NGF: variants seen among roughly 807,000 people sequenced by gnomAD.
The protein encoded by NGF is beta-nerve growth factor.
A neutral mutation model predicts 12.8 loss-of-function variants in NGF; 4 were observed. The ratio of observed to expected loss-of-function variants is 0.31; its 90% confidence interval spans 0.15 to 0.72. The LOEUF is 0.72. Among genes scored for constraint, NGF ranks in the 30% least tolerant of loss-of-function variants. NGF has a pLI of 0.69. For synonymous variants in NGF, 140 were observed against 130.0 expected (o/e 1.08, Z -0.52); for missense variants, 283 against 330.8 (o/e 0.86, Z 1.12).
intron 1 of NGF, among the ~76,000 whole-genome samples, chr1:115,323,848 A>G (rs568901308): frequency 1.5e-3 from 231 of 152,316 alleles, no homozygotes; most frequent in African/African-American, 5.4e-3. Flanking sequence ...AAGTGTCCTG[A>G]GGTGGCCCTG....
chr1:115,288,054 T>A (rs1291479405), intron 2 of NGF, among the ~76,000 whole-genome samples: 1 of 152,164 alleles, frequency 6.6e-6, no homozygotes, highest in African/African-American at 2.4e-5. Flanking sequence ...CTTTCTCCCA[T>A]CTCTCCTTCC....
intron 1 of NGF, among the ~76,000 whole-genome samples, chr1:115,334,586 T>G (rs1402294629): frequency 6.6e-6 from 1 of 152,132 alleles, no homozygotes; most frequent in Admixed American, 6.5e-5. Flanking sequence ...AGCCCAGGAA[T>G]TGACTTCTGG....
intron 1 of NGF, among the ~76,000 whole-genome samples, chr1:115,323,388 G>A (rs934479646): frequency 1.3e-5 from 2 of 152,108 alleles, no homozygotes; most frequent in Non-Finnish European, 2.9e-5. Context: ...AGACCAGTTG[G>A]CAGATGGGTT....
chr1:115,291,400 A>G (rs1007219557), intron 2 of NGF, among the ~76,000 whole-genome samples: 9 of 152,208 alleles, frequency 5.9e-5, no homozygotes, highest in African/African-American at 2.2e-4. Context: ...ACACCCTTTG[A>G]AGCCTTTCTC....
chr1:115,326,275 T>C (rs544056954), intron 1 of NGF, among the ~76,000 whole-genome samples: 2 of 152,274 alleles, frequency 1.3e-5, no homozygotes, highest in African/African-American at 4.8e-5. Context: ...TTGTTACATC[T>C]GCCTTAGACT....
In NGF at chr1:115,286,672, G is replaced by A. The variant is rs1258866875; in HGVS notation, c.124C>T (p.His42Tyr). ...IPQAHWTKLQ[H>Y]SLDTALRRAR... Reference sequence around the variant, plus strand: ...CTGCGAAGGGCAGTGTCAAGGGAATGCTGAAGTTTAGTCCAGTGGGCTTGG... The same window carrying A: ...CTGCGAAGGGCAGTGTCAAGGGAATACTGAAGTTTAGTCCAGTGGGCTTGG... The change falls in exon 3 of 3, where the codon CAT becomes TAT. Residue 42 changes from histidine to tyrosine, a missense_variant. Physicochemically the swap from His to Tyr is moderately conservative, Grantham distance 83 (BLOSUM62 2). This residue lies in a region of NGF where 151 missense variants were observed against 141.6 expected (regional missense o/e 1.07). Transcript: ENST00000369512. 1 of 1,614,248 alleles carries A rather than the reference G, an allele frequency of 6.2e-7. No individual in the cohort carries two copies. The highest frequency in any genetic ancestry group is 8.5e-7 in the Non-Finnish European group (1 of 1,180,044).
At chr1:115,332,860 G>C (rs1654960720) in intron 1 of NGF, among the ~76,000 whole-genome samples, 1 of 152,092 alleles carries the variant, frequency 6.6e-6, no homozygotes, top group South Asian at 2.1e-4. Flanking sequence ...ATAATCCAAA[G>C]GGAGCCTGTC....
chr1:115,324,988 A>C (rs1213610459), intron 1 of NGF, among the ~76,000 whole-genome samples: 1 of 152,222 alleles, frequency 6.6e-6, no homozygotes, highest in African/African-American at 2.4e-5. Flanking sequence ...TAAAATAAGA[A>C]AACAAATCAT....
At chr1:115,321,350 G>A (rs1206976187) in intron 1 of NGF, among the ~76,000 whole-genome samples, 1 of 152,094 alleles carries the variant, frequency 6.6e-6, no homozygotes, top group East Asian at 1.9e-4. Context: ...GGGCTGGGTG[G>A]GCTGTTACTA....
chr1:115,295,949 T>G (rs186448891), intron 1 of NGF, among the ~76,000 whole-genome samples: 1 of 152,282 alleles, frequency 6.6e-6, no homozygotes, highest in Admixed American at 6.5e-5. Flanking sequence ...AAGCAAGTAA[T>G]CTAGAGATAG....
At chr1:115,316,104 G>C (rs1392994169) in intron 1 of NGF, among the ~76,000 whole-genome samples, 1 of 152,180 alleles carries the variant, frequency 6.6e-6, no homozygotes, top group Non-Finnish European at 1.5e-5. Flanking sequence ...ATCAACCAGA[G>C]AGACCATCTG....
At chr1:115,301,488 C>T (rs1557939006) in intron 1 of NGF, among the ~76,000 whole-genome samples, 2 of 152,126 alleles carry the variant, frequency 1.3e-5, no homozygotes, top group Non-Finnish European at 2.9e-5. Flanking sequence ...AGACATTTGG[C>T]CAGAATCAGG....
chr1:115,317,503 A>G (rs992982954), intron 1 of NGF, among the ~76,000 whole-genome samples: 8 of 152,210 alleles, frequency 5.3e-5, no homozygotes, highest in African/African-American at 1.7e-4. Context: ...TAGAAAAAAG[A>G]AATCTATGAA....
At chr1:115,291,720 A>G (rs1325638156) in intron 2 of NGF, among the ~76,000 whole-genome samples, 1 of 152,220 alleles carries the variant, frequency 6.6e-6, no homozygotes, top group Non-Finnish European at 1.5e-5. Flanking sequence ...AATTTCTCGC[A>G]CGAGGTGAAT....
At chr1:115,326,171 C>T (rs1654767112) in intron 1 of NGF, among the ~76,000 whole-genome samples, 1 of 151,996 alleles carries the variant, frequency 6.6e-6, no homozygotes, top group Non-Finnish European at 1.5e-5. Flanking sequence ...AAGGAGAAGC[C>T]AGCAAACGAG....
chr1:115,301,184 G>A (rs1270295968), intron 1 of NGF, among the ~76,000 whole-genome samples: 1 of 152,098 alleles, frequency 6.6e-6, no homozygotes, highest in African/African-American at 2.4e-5. Context: ...TGGAGCTAAC[G>A]AGAGACCCAC....
chr1:115,327,973 C>G (rs1035726678), intron 1 of NGF, among the ~76,000 whole-genome samples: 2 of 152,212 alleles, frequency 1.3e-5, no homozygotes, highest in Non-Finnish European at 2.9e-5. Flanking sequence ...AACATTATCC[C>G]TAGAAGCAGG....
intron 1 of NGF, among the ~76,000 whole-genome samples, chr1:115,328,535 G>T (rs1044090273): frequency 1.1e-4 from 16 of 152,180 alleles, no homozygotes; most frequent in African/African-American, 3.6e-4. Context: ...CTGCATTGTG[G>T]CAGCCTGGAG....
intron 1 of NGF, among the ~76,000 whole-genome samples, chr1:115,309,502 T>G (rs1654287183): frequency 6.6e-6 from 1 of 152,216 alleles, no homozygotes; most frequent in South Asian, 2.1e-4. Context: ...GGTATACACG[T>G]GCCATGGTGG....
Sources: allele counts gnomAD v4.1 joint callset (sites outside exome capture counted in the v4.1 genomes callset), GRCh38; gene constraint gnomAD v4.1.1; regional missense constraint gnomAD v4.1.1; transcripts MANE v1.5; gene names NCBI Gene and HGNC (gene_info 2026-07-23, HGNC 2026-07-21).